HEPH: variants seen among roughly 807,000 people sequenced by gnomAD.
HEPH encodes the protein hephaestin.
Under a neutral mutation model 80.8 loss-of-function variants are expected in HEPH, and 69 were observed. The ratio of observed to expected loss-of-function variants is 0.85; its 90% CI spans 0.70 to 1.04. The LOEUF (loss-of-function observed/expected upper bound fraction) is 1.04, where lower values mean the gene tolerates loss of function less well. Ranked by LOEUF, HEPH falls within the 50% of genes least tolerant of loss-of-function variation. The pLI, the probability that HEPH is intolerant of heterozygous loss-of-function variation, is 0.00. For synonymous variants in HEPH, 431 were observed against 322.8 expected (o/e 1.34, Z -3.60); for missense variants, 1,115 against 891.3 (o/e 1.25, Z -3.20).
chrX:66,252,798 C>A (rs943283021), intron 15 of HEPH, among the ~76,000 whole-genome samples: 1 of 111,263 alleles, frequency 9.0e-6, no homozygotes, highest in Admixed American at 9.5e-5. Flanking sequence ...AGAAATAAAC[C>A]CTCTAATTTT....
chrX:66,252,456 A>G (rs753768736), intron 15 of HEPH, among the ~76,000 whole-genome samples: 9 of 111,383 alleles, frequency 8.1e-5, no homozygotes, highest in Non-Finnish European at 1.5e-4. Context: ...CGACCAGTAT[A>G]TATTTTGCAG....
intron 15 of HEPH, among the ~76,000 whole-genome samples, chrX:66,239,347 TG>T (rs1002790509): frequency 8.9e-6 from 1 of 111,746 alleles, no homozygotes; most frequent in Non-Finnish European, 1.9e-5. Flanking sequence ...ACCCAGCTTT[TG>T]TGTCTTCCTT....
At chrX:66,237,370 C>G (rs2090404349) in intron 15 of HEPH, among the ~76,000 whole-genome samples, 1 of 111,593 alleles carries the variant, frequency 9.0e-6, no homozygotes, top group Non-Finnish European at 1.9e-5. Context: ...TTGATTTATG[C>G]CTTAATTTCA....
chrX:66,201,795 T>C (rs773949442), intron 12 of HEPH, among the ~76,000 whole-genome samples: 176 of 112,388 alleles, frequency 1.6e-3, no homozygotes, highest in Middle Eastern at 9.1e-3. Flanking sequence ...TTGGAGGCTA[T>C]TGCAGTTTTC....
At chrX:66,259,306 C>T (rs1191632103) in intron 18 of HEPH, among the ~76,000 whole-genome samples, 3 of 111,588 alleles carry the variant, frequency 2.7e-5, no homozygotes, top group Non-Finnish European at 5.6e-5. Context: ...TTCAGAGTGG[C>T]ATCTCAGAAT....
intron 4 of HEPH, among the ~76,000 whole-genome samples, chrX:66,175,296 T>A (rs2086753216): frequency 8.9e-6 from 1 of 111,846 alleles, no homozygotes; most frequent in Admixed American, 9.5e-5. Flanking sequence ...TTTGTTTGAT[T>A]TGTCAAAGAT....
rs1384011570 is a variant in HEPH, at chrX:66,197,694, C to A, written c.1513C>A (p.Pro505Thr). The A allele has an allele frequency of 3.3e-6, 4 of 1,209,039 alleles. No homozygotes were observed. The African/African-American group carries it at 5.2e-5, about 16-fold the overall frequency. The change falls in exon 10 of 21, where the codon CCT (proline) becomes ACT (threonine). Residue 505 changes from proline to threonine, a missense_variant. Around this residue, in one of 3 missense-constraint regions of HEPH, gnomAD observed 716 missense variants for 523.5 expected, o/e 1.37. Transcript: ENST00000343002. ...TATTTTCACTACAGGCTCATCTTAC[C>A]CTGGCTTGGTTGCCAAGCCCTTTGA... ...GTVYNDGSSY[P>T]GLVAKPFEKV...
At chrX:66,170,034 AT>A (rs1364204054) in intron 1 of HEPH, 1 of 112,423 alleles carries the variant, frequency 8.9e-6, no homozygotes, top group Non-Finnish European at 1.9e-5. Flanking sequence ...GTATTCATTC[AT>A]TATAGTGTTC....
chrX:66,259,883 A>AT (rs773492398), intron 18 of HEPH, among the ~76,000 whole-genome samples: 9 of 107,078 alleles, frequency 8.4e-5, no homozygotes, highest in East Asian at 2.9e-4. Flanking sequence ...AATTTTTTTT[A>AT]TTTTTTTTAT....
At chrX:66,195,630 T>C (rs1009314310) in intron 9 of HEPH, among the ~76,000 whole-genome samples, 1 of 111,419 alleles carries the variant, frequency 9.0e-6, no homozygotes, top group Admixed American at 9.6e-5. Flanking sequence ...TCAGTTACCA[T>C]TGTATTGTGT....
chrX:66,193,739 C>T (rs1256968757), intron 8 of HEPH, 101 bp downstream of exon 8: 1 of 541,269 alleles, frequency 1.8e-6, no homozygotes, highest in Non-Finnish European at 2.9e-6. Context: ...ACATTGTAGA[C>T]CAGCATCTCC....
chrX:66,242,015 T>G (rs2148091090), intron 15 of HEPH, among the ~76,000 whole-genome samples: 1 of 108,505 alleles, frequency 9.2e-6, no homozygotes, highest in African/African-American at 3.3e-5. Context: ...GAAAAAAAAC[T>G]ATTTTAAAAT....
At chrX:66,236,169 C>T (rs954036143) in intron 15 of HEPH, among the ~76,000 whole-genome samples, 1 of 111,399 alleles carries the variant, frequency 9.0e-6, no homozygotes, top group African/African-American at 3.3e-5. Context: ...TGGGAGAGTG[C>T]ATCCTCTTCT....
At chrX:66,203,255 T>G in intron 12 of HEPH, 109 bp from the exon 13 acceptor site, 1 of 589,559 alleles carries the variant, frequency 1.7e-6, no homozygotes, top group Middle Eastern at 5.4e-4. Context: ...TATCTGAGAC[T>G]ATCTGAAACT....
chrX:66,172,990 T>A (rs958782019), intron 3 of HEPH, among the ~76,000 whole-genome samples: 3 of 112,563 alleles, frequency 2.7e-5, no homozygotes, highest in Admixed American at 1.9e-4. Flanking sequence ...ATTTTGTTTT[T>A]CCCTAAAGGG....
In HEPH at chrX:66,186,460, G is replaced by A. The variant is rs760057323; in HGVS notation, c.626-1899G>A. ...CGCAATATTCGGGTGGGAGTGACCC[G>A]ATTTTCCAGGTGCGTCCATCACCCC... On this transcript the variant is annotated intron_variant, in intron 4 of 20. Transcript: ENST00000343002. Among the ~76,000 whole-genome samples the A allele has an allele frequency of 5.0e-4, 56 of 112,244 alleles. 1 individual carries two copies. Among genetic ancestry groups the A allele is most frequent in the Middle Eastern group, 4.6e-3 (1 of 216 alleles).
chrX:66,229,359 C>T (rs1342511845), intron 15 of HEPH, among the ~76,000 whole-genome samples: 1 of 111,825 alleles, frequency 8.9e-6, no homozygotes, highest in Non-Finnish European at 1.9e-5. Context: ...GAATGGAAAA[C>T]CAAATATCGT....
chrX:66,222,494 T>C (rs7052015), intron 15 of HEPH, among the ~76,000 whole-genome samples: 1,159 of 112,300 alleles, frequency 0.01, 22 homozygotes, highest in African/African-American at 0.035. Context: ...TATGCTGTCT[T>C]AATTGCCAAA....
chrX:66,170,798 A>G, intron 2 of HEPH, 61 bp downstream of exon 2: 7 of 1,040,277 alleles, frequency 6.7e-6, no homozygotes, highest in Non-Finnish European at 9.2e-6. Flanking sequence ...GAGGTCAGGA[A>G]GTAGCCTCTT....
Sources: gnomAD v4.1 joint callset for allele counts (sites outside exome capture counted in the v4.1 genomes callset) on GRCh38, gnomAD v4.1.1 for gene constraint, gnomAD v4.1.1 regional missense constraint, MANE v1.5 for transcripts, NCBI Gene and HGNC (gene_info 2026-07-23, HGNC 2026-07-21) for gene names.